The following PTPRD variants were observed in gnomAD, a reference collection of about 807,000 sequenced individuals.
The protein encoded by PTPRD is protein tyrosine phosphatase receptor type D.
A neutral mutation model predicts 214.5 loss-of-function variants in PTPRD; 34 were observed. The ratio of observed to expected loss-of-function variants is 0.16; its 90% CI spans 0.12 to 0.21. The LOEUF (loss-of-function observed/expected upper bound fraction) is 0.21. PTPRD is among the 10% of genes least tolerant of loss of function. The pLI, the probability that PTPRD is intolerant of heterozygous loss-of-function variation, is 1.00. For missense variants in PTPRD, 2,545 were observed against 2,398.7 expected, an observed-to-expected ratio of 1.06 and a Z score of -1.27; for synonymous variants, 1,128 against 845.7, an observed-to-expected ratio of 1.33 and a Z score of -5.79.
chr9:10,060,896 CCTT>C lies in PTPRD; in HGVS notation c.-544-27109_-544-27107del, dbSNP rs1567407743. 1.1e-4 allele frequency among the ~76,000 whole-genome samples: 9 copies of C among 79,518 alleles called. No homozygotes were observed. In the African/African-American group the frequency reaches 1.3e-3, roughly 11 times the overall value. 52.2% of individuals were successfully genotyped at this position (79,518 alleles called of 152,430 possible). ...TCCTTCCTTCCTTCCTTCCTTCCTTCCTTCTTTCTTTCTTTCTTTCTTTCTTTC... is the reference window on the plus strand; with the variant it reads ...TCCTTCCTTCCTTCCTTCCTTCCTTCCTTTCTTTCTTTCTTTCTTTCTTTC... On this transcript the variant is annotated intron_variant, in intron 3 of 45. Coordinates refer to ENST00000381196, the MANE Select transcript of PTPRD (RefSeq NM_002839.4).
intron 8 of PTPRD, among the ~76,000 whole-genome samples, chr9:9,428,849 A>G (rs924818490): frequency 6.6e-6 from 1 of 152,228 alleles, no homozygotes; most frequent in Non-Finnish European, 1.5e-5. Flanking sequence ...TGTTCTTTGA[A>G]ACCAGTGAAA....
chr9:8,886,931 A>G (rs1363076648), intron 11 of PTPRD, among the ~76,000 whole-genome samples: 1 of 152,244 alleles, frequency 6.6e-6, no homozygotes, highest in Non-Finnish European at 1.5e-5. Flanking sequence ...CCGAATAAAT[A>G]TTTTGTAAAT....
chr9:10,459,882 A>T (rs73390368), intron 2 of PTPRD, among the ~76,000 whole-genome samples: 1 of 151,872 alleles, frequency 6.6e-6, no homozygotes, highest in Admixed American at 6.5e-5. Context: ...TTAAGAAAAG[A>T]AATTTAATAG....
intron 4 of PTPRD, among the ~76,000 whole-genome samples, chr9:10,029,081 AAGG>A (rs1199706451): frequency 2.0e-5 from 3 of 152,198 alleles, no homozygotes; most frequent in African/African-American, 7.2e-5. Context: ...CAGAGGGTGC[AAGG>A]CCCAAGTCTT....
Position 10,448,632 on chromosome 9 carries a change from T to C in PTPRD, c.-599-107615A>G, listed in dbSNP as rs1445395551. Among the ~76,000 whole-genome samples, 4 of 152,160 alleles carry C rather than the reference T, an allele frequency of 2.6e-5. 1 individual carries two copies. Among genetic ancestry groups the C allele is most frequent in the African/African-American group, 7.2e-5 (3 of 41,412 alleles). ...TGATTTGATCCCTTCTTCACTACCA[T>C]CTATTAAAATGAAAATTACTTTTTT... On this transcript the variant is annotated intron_variant, in intron 2 of 45. Transcript: ENST00000381196.
chr9:10,578,805 G>T (rs570423895), intron 2 of PTPRD, among the ~76,000 whole-genome samples: 1 of 152,256 alleles, frequency 6.6e-6, no homozygotes, highest in African/African-American at 2.4e-5. Context: ...TAACTCAGAG[G>T]TTTGGGGTAC....
intron 5 of PTPRD, among the ~76,000 whole-genome samples, chr9:9,836,873 C>G (rs13288990): frequency 1.3e-5 from 2 of 152,004 alleles, no homozygotes; most frequent in East Asian, 3.9e-4. Context: ...TAGAAAACTA[C>G]CATATCAAGA....
At chr9:10,281,590 T>C (rs1432951059) in intron 3 of PTPRD, among the ~76,000 whole-genome samples, 1 of 152,212 alleles carries the variant, frequency 6.6e-6, no homozygotes, top group East Asian at 1.9e-4. Context: ...AAGTTGGATG[T>C]AATCCCAATT....
chr9:8,955,865 C>A (rs2099128851), intron 11 of PTPRD, among the ~76,000 whole-genome samples: 1 of 151,806 alleles, frequency 6.6e-6, no homozygotes, highest in Non-Finnish European at 1.5e-5. Flanking sequence ...CTCATGCGTT[C>A]GACCTACATA....
chr9:9,691,643 C>G (rs1270793133), intron 7 of PTPRD, among the ~76,000 whole-genome samples: 1 of 151,956 alleles, frequency 6.6e-6, no homozygotes, highest in African/African-American at 2.4e-5. Flanking sequence ...TTATACTCAG[C>G]TTTGGGGTTG....
In PTPRD at chr9:8,842,004, C is replaced by T. The variant is rs567493600; in HGVS notation, c.-103-108058G>A. Among the ~76,000 whole-genome samples the T allele has an allele frequency of 3.6e-5, 3 of 83,458 alleles. No homozygotes were observed. In the East Asian group the frequency reaches 8.7e-4, roughly 24 times the overall value. 54.8% of individuals were successfully genotyped at this position (83,458 alleles called of 152,430 possible). On this transcript the variant is annotated intron_variant, in intron 11 of 45. Coordinates refer to ENST00000381196, the MANE Select transcript of PTPRD (RefSeq NM_002839.4). ...CCAGCCTGGGCAATAGAGCGAGACA[C>T]AGTCTCAAAAAAAAAAAATCCAACT...
chr9:8,357,441 C>G (rs754520702), intron 39 of PTPRD, among the ~76,000 whole-genome samples: 3 of 152,176 alleles, frequency 2.0e-5, no homozygotes, highest in Admixed American at 6.5e-5. Flanking sequence ...AGCTGCCTTC[C>G]TTACTGGACT....
intron 14 of PTPRD, among the ~76,000 whole-genome samples, chr9:8,578,588 G>C (rs1177697993): frequency 2.0e-5 from 3 of 152,178 alleles, no homozygotes; most frequent in African/African-American, 7.2e-5. Context: ...TTATCAGCCA[G>C]CTATGACATA....
intron 34 of PTPRD, among the ~76,000 whole-genome samples, chr9:8,449,362 T>C (rs1455004135): frequency 3.3e-5 from 5 of 150,724 alleles, no homozygotes; most frequent in African/African-American, 1.2e-4. Flanking sequence ...TGTACAGTCA[T>C]CCATTTACTC....
intron 6 of PTPRD, among the ~76,000 whole-genome samples, chr9:9,743,860 A>T (rs1337749102): frequency 6.6e-6 from 1 of 151,776 alleles, no homozygotes; most frequent in Non-Finnish European, 1.5e-5. Context: ...TTGAATTTTT[A>T]TCCAAGAAGA....
intron 2 of PTPRD, among the ~76,000 whole-genome samples, chr9:10,401,815 C>CGGGGT (rs2098274789): frequency 6.6e-6 from 1 of 150,854 alleles, no homozygotes; most frequent in African/African-American, 2.4e-5. Context: ...CCCATAACAG[C>CGGGGT]ATATGTAAAT....
At chr9:9,096,195 G>A (rs1447451185) in intron 10 of PTPRD, among the ~76,000 whole-genome samples, 1 of 152,192 alleles carries the variant, frequency 6.6e-6, no homozygotes, top group African/African-American at 2.4e-5. Flanking sequence ...TATTTGACAT[G>A]AGATTCATGC....
At chr9:9,714,568 A>T (rs1435602205) in intron 7 of PTPRD, among the ~76,000 whole-genome samples, 1 of 152,254 alleles carries the variant, frequency 6.6e-6, no homozygotes, top group Non-Finnish European at 1.5e-5. Context: ...TTTTGCCAAA[A>T]GTAAAGTAAC....
At chr9:8,473,679 T>C (rs185916895) in intron 30 of PTPRD, among the ~76,000 whole-genome samples, 271 of 152,022 alleles carry the variant, frequency 1.8e-3, no homozygotes, top group Non-Finnish European at 3.0e-3. Flanking sequence ...TTGCCATTCT[T>C]GTACATGAAA....
Sources: gnomAD v4.1 joint callset for allele counts (sites outside exome capture counted in the v4.1 genomes callset) on GRCh38, gnomAD v4.1.1 for gene constraint, MANE v1.5 for transcripts, NCBI Gene and HGNC (gene_info 2026-07-23, HGNC 2026-07-21) for gene names.